The following RPRD1B variants were observed in gnomAD, a reference collection of about 807,000 sequenced individuals.
RPRD1B encodes regulation of nuclear pre-mRNA domain-containing protein 1B.
A neutral mutation model predicts 41.5 loss-of-function variants in RPRD1B; 11 were observed. That is an observed-to-expected ratio of 0.27 (90% CI 0.17 to 0.44). The LOEUF (loss-of-function observed/expected upper bound fraction) is 0.44. Among genes scored for constraint, RPRD1B ranks in the 20% least tolerant of loss-of-function variants. The pLI is 1.00. For synonymous variants in RPRD1B, 158 were observed against 155.6 expected, an observed-to-expected ratio of 1.02 and a Z score of -0.12; for missense variants, 248 against 389.9, an observed-to-expected ratio of 0.64 and a Z score of 3.06.
chr20:38,080,601 C>T (rs6097684), intron 6 of RPRD1B, among the ~76,000 whole-genome samples: 1 of 152,226 alleles, frequency 6.6e-6, no homozygotes, highest in South Asian at 2.1e-4. Flanking sequence ...TCTCGGCTTG[C>T]TGCAACCTCC....
At chr20:38,070,650 AGTGT>A in intron 6 of RPRD1B, 1 of 984,962 alleles carries the variant, frequency 1.0e-6, no homozygotes, top group Non-Finnish European at 1.2e-6. Flanking sequence ...CATGTGGAAG[AGTGT>A]GTGTGTGAGA....
intron 2 of RPRD1B, among the ~76,000 whole-genome samples, chr20:38,041,459 C>T (rs140883463): frequency 8.5e-5 from 13 of 152,292 alleles, no homozygotes; most frequent in South Asian, 2.1e-4. Context: ...AAAGAAATGA[C>T]ACCTAGCTTT....
intron 3 of RPRD1B, among the ~76,000 whole-genome samples, chr20:38,048,963 T>C (rs2074150525): frequency 6.6e-6 from 1 of 152,216 alleles, no homozygotes; most frequent in South Asian, 2.1e-4. Flanking sequence ...TGTTTGTTTG[T>C]TTTGGAGACA....
In RPRD1B at chr20:38,060,130, A is replaced by G. The variant is rs544394173; in HGVS notation, c.655+610A>G. ...CACCGGTACTTCTGTTCTTTGTGATAGTCTTTGGAGGTGACTAAATGTGTG... is the reference window on the plus strand; with the variant it reads ...CACCGGTACTTCTGTTCTTTGTGATGGTCTTTGGAGGTGACTAAATGTGTG... On this transcript the variant is annotated intron_variant, in intron 5 of 6. Transcript: ENST00000373433. Among the ~76,000 whole-genome samples, 4 of 152,328 alleles carry G rather than the reference A, an allele frequency of 2.6e-5. No individual in the cohort carries two copies. In the East Asian group the frequency reaches 5.8e-4, roughly 22 times the overall value.
chr20:38,052,807 C>G (rs888963823), intron 3 of RPRD1B, among the ~76,000 whole-genome samples: 6 of 135,254 alleles, frequency 4.4e-5, no homozygotes, highest in African/African-American at 1.4e-4. Flanking sequence ...CAAGTGGATC[C>G]TCTAGAAGAT....
At chr20:38,043,788 A>AT (rs1421721277) in intron 2 of RPRD1B, among the ~76,000 whole-genome samples, 2 of 152,166 alleles carry the variant, frequency 1.3e-5, no homozygotes, top group Non-Finnish European at 2.9e-5. Context: ...GATGTAAGGA[A>AT]TGACTGATGG....
chr20:38,062,166 AT>A (rs1331551401), intron 5 of RPRD1B, among the ~76,000 whole-genome samples: 1 of 152,150 alleles, frequency 6.6e-6, no homozygotes, highest in Non-Finnish European at 1.5e-5. Flanking sequence ...ATTTGTGGTA[AT>A]TTGCTACAGT....
At chr20:38,079,201 G>GT (rs1450203177) in intron 6 of RPRD1B, among the ~76,000 whole-genome samples, 1 of 150,584 alleles carries the variant, frequency 6.6e-6, no homozygotes, top group Non-Finnish European at 1.5e-5. Context: ...TTTGTCACAT[G>GT]TTATATCCTA....
At chr20:38,049,367 C>CTTTTTTTTTT (rs11481142) in intron 3 of RPRD1B, among the ~76,000 whole-genome samples, 135 of 93,418 alleles carry the variant, frequency 1.4e-3, no homozygotes, top group African/African-American at 4.6e-3. Flanking sequence ...TTCTTTTTTT[C>CTTTTTTTTTT]TTTTTTTTTT....
At chr20:38,038,429 C>T (rs911726291) in intron 1 of RPRD1B, among the ~76,000 whole-genome samples, 1 of 151,586 alleles carries the variant, frequency 6.6e-6, no homozygotes, top group Non-Finnish European at 1.5e-5. Context: ...CCTGCCTCAG[C>T]CTCCCAAGTA....
chr20:38,038,490 G>GTTTTTTTTTTTTTTTTTTTTT (rs150397040), intron 1 of RPRD1B, among the ~76,000 whole-genome samples: 2 of 76,762 alleles, frequency 2.6e-5, no homozygotes, highest in African/African-American at 4.8e-5. Flanking sequence ...TTTTTGTTTT[G>GTTTTTTTTTTTTTTTTTTTTT]TTTTTTTTTT....
At chr20:38,048,796 G>A (rs1235463394) in intron 3 of RPRD1B, among the ~76,000 whole-genome samples, 3 of 152,210 alleles carry the variant, frequency 2.0e-5, no homozygotes, top group Non-Finnish European at 4.4e-5. Context: ...GAACTAGGAA[G>A]TAGCCTGGAC....
In RPRD1B at chr20:38,034,341, C is replaced by T. The variant is rs141508462; in HGVS notation, c.151+243C>T. ...TGTCCAGACTTCTAGTTCATCAAGC[C>T]ATTTTCCCTTCAGTTTCCCCCTGAC... On this transcript the variant is annotated intron_variant, in intron 1 of 6. Coordinates refer to ENST00000373433, the MANE Select transcript of RPRD1B (RefSeq NM_021215.4). Among the ~76,000 whole-genome samples the T allele has an allele frequency of 6.9e-3, 1,057 of 152,324 alleles. 5 individuals carry two copies. The highest frequency in any genetic ancestry group is 0.02 in the African/African-American group (841 of 41,578).
chr20:38,046,425 G>C (rs1228684838), intron 2 of RPRD1B, among the ~76,000 whole-genome samples: 1 of 152,194 alleles, frequency 6.6e-6, no homozygotes, highest in Non-Finnish European at 1.5e-5. Context: ...CATTGTGCTT[G>C]TTCAAGGGCA....
chr20:38,089,533 C>T (rs532694066), intron 6 of RPRD1B, among the ~76,000 whole-genome samples, 193 bp from the exon 7 acceptor site: 12 of 152,202 alleles, frequency 7.9e-5, no homozygotes, highest in South Asian at 6.2e-4. Context: ...TGGCACTCTG[C>T]GTTCCTTTTT....
intron 6 of RPRD1B, among the ~76,000 whole-genome samples, chr20:38,075,078 G>T (rs576075541): frequency 6.6e-6 from 1 of 152,198 alleles, no homozygotes; most frequent in East Asian, 1.9e-4. Flanking sequence ...TTAGCTTTAG[G>T]CTAACTTTCA....
At chr20:38,062,829 C>A (rs1461058759) in intron 5 of RPRD1B, among the ~76,000 whole-genome samples, 1 of 30,596 alleles carries the variant, frequency 3.3e-5, no homozygotes, top group African/African-American at 1.9e-4. Flanking sequence ...AAAGCCAGAG[C>A]CCCCCCCCCT....
chr20:38,048,576 C>A, intron 3 of RPRD1B, 95 bp downstream of exon 3: 1 of 1,485,242 alleles, frequency 6.7e-7, no homozygotes, highest in Non-Finnish European at 9.0e-7. Context: ...GAACCACCAG[C>A]GATTTTATGA....
chr20:38,065,823 G>T, intron 5 of RPRD1B: 1 of 328,096 alleles, frequency 3.0e-6, no homozygotes, highest in Non-Finnish European at 5.5e-6. Flanking sequence ...GCAGGAACAG[G>T]CATTTAGAAA....
Sources: allele counts gnomAD v4.1 joint callset (sites outside exome capture counted in the v4.1 genomes callset), GRCh38; gene constraint gnomAD v4.1.1; transcripts MANE v1.5; gene names NCBI Gene and HGNC (gene_info 2026-07-23, HGNC 2026-07-21).